The following HSPA14 variants were observed in gnomAD, a reference collection of about 807,000 sequenced individuals.
HSPA14 encodes the protein heat shock protein family A (Hsp70) member 14.
HSPA14 carries 37 observed loss-of-function variants against 65.5 expected under a neutral mutation model. The observed-to-expected ratio is 0.56, with a 90% CI of 0.43 to 0.74. The LOEUF (loss-of-function observed/expected upper bound fraction) is 0.74, where lower values mean the gene tolerates loss of function less well. Among genes scored for constraint, HSPA14 ranks in the 30% least tolerant of loss-of-function variants. The pLI is 0.00. For missense variants in HSPA14, 564 were observed against 607.6 expected (o/e 0.93, Z 0.75); for synonymous variants, 203 against 214.2 (o/e 0.95, Z 0.46).
At position 14,848,819 on chromosome 10, in the gene HSPA14, T is replaced by C. The variant is rs1292635750; in HGVS notation, c.300T>C (p.Tyr100=). ...TTGAAAAAAATGGGAAATTACGATA[T>C]GAAATAGATACTGGAGAAGAAACAA... ...LVIEKNGKLR[Y]EIDTGEETKF... Residue 100 remains tyrosine, a synonymous_variant, in exon 5 of 14, where the codon TAT becomes TAC. Transcript: ENST00000378372. The C allele has an allele frequency of 1.3e-6, 2 of 1,582,280 alleles. No homozygotes were observed. The highest frequency in any genetic ancestry group is 1.7e-5 in the Admixed American group (1 of 58,222).
At chr10:14,847,601 G>A (rs1159601273) in intron 3 of HSPA14, among the ~76,000 whole-genome samples, 1 of 152,170 alleles carries the variant, frequency 6.6e-6, no homozygotes, top group Non-Finnish European at 1.5e-5. Flanking sequence ...AAGTATTCCA[G>A]AGTTCTAAGC....
intron 10 of HSPA14, among the ~76,000 whole-genome samples, chr10:14,857,759 C>G (rs1170756566): frequency 6.6e-6 from 1 of 152,098 alleles, no homozygotes; most frequent in Admixed American, 6.5e-5. Context: ...CCTCCAGCTG[C>G]TTTGCTTGGA....
rs987064353 is a variant in HSPA14, at chr10:14,860,409, A to C, written c.993+4466A>C. Among the ~76,000 whole-genome samples, 4 of 152,210 alleles carry C rather than the reference A, an allele frequency of 2.6e-5. No homozygotes were observed. In the South Asian group the frequency reaches 8.3e-4, roughly 31 times the overall value. On this transcript the variant is annotated intron_variant, in intron 10 of 13. Transcript: ENST00000378372. ...CAGGTAATATGAAACAGATAAAATA[A>C]TGCCCAATTGTGATAAATCTTATGA...
chr10:14,854,513 A>G (rs1395512107), intron 9 of HSPA14, among the ~76,000 whole-genome samples: 7 of 152,144 alleles, frequency 4.6e-5, no homozygotes, highest in Non-Finnish European at 8.8e-5. Context: ...GGAGTGTGCA[A>G]AGGCATCCTA....
At chr10:14,846,742 C>G (rs1307039564) in intron 3 of HSPA14, 1 of 985,234 alleles carries the variant, frequency 1.0e-6, no homozygotes, top group Non-Finnish European at 1.2e-6. Context: ...TGTCATGTAA[C>G]AAGTAGGGGA....
At chr10:14,860,462 C>A (rs1297399676) in intron 10 of HSPA14, among the ~76,000 whole-genome samples, 2 of 152,138 alleles carry the variant, frequency 1.3e-5, no homozygotes, top group Non-Finnish European at 2.9e-5. Context: ...AAGGGCCTAG[C>A]TAGTGACAGA....
chr10:14,869,071 G>A (rs191123396), intron 12 of HSPA14, among the ~76,000 whole-genome samples: 49 of 152,050 alleles, frequency 3.2e-4, no homozygotes, highest in African/African-American at 9.9e-4. Flanking sequence ...TGGTCTCGAT[G>A]TCATGACCTC....
chr10:14,871,453 CAAGT>C (rs986985308), intron 13 of HSPA14, 71 bp from the exon 14 acceptor site: 17 of 836,366 alleles, frequency 2.0e-5, no homozygotes, highest in Non-Finnish European at 3.2e-5. Flanking sequence ...TGAAAGCCCT[CAAGT>C]AACTTGTTAC....
In HSPA14 at chr10:14,838,322, C is replaced by T. The variant is rs1833916784; in HGVS notation, c.-81C>T. On this transcript the variant is annotated 5_prime_UTR_variant, in exon 1 of 14. Coordinates refer to ENST00000378372, the MANE Select transcript of HSPA14 (RefSeq NM_016299.4). The stretch of plus-strand genomic sequence containing the variant: ...GGCGGGAACGTGAAGCTCCGCGGTG[C>T]CTGATGGGGCCGTTGGGCGGCCGGT... 2 of 1,394,940 alleles carry T rather than the reference C, an allele frequency of 1.4e-6. No individual in the cohort carries two copies. The highest frequency in any genetic ancestry group is 1.4e-5 in the African/African-American group (1 of 70,514). The allele number at this position is 1,394,940 out of a possible 1,614,324, so 86.4% of individuals were successfully genotyped here. A position where few individuals can be genotyped will look rare whatever the true frequency, so the allele number is the denominator to read the frequency against.
In HSPA14 at chr10:14,848,802, A is replaced by C. The variant is rs1357397411; in HGVS notation, c.283A>C (p.Asn95His). 15 of 1,565,194 alleles carry C rather than the reference A, an allele frequency of 9.6e-6. No individual in the cohort carries two copies. Among genetic ancestry groups the C allele is most frequent in the Non-Finnish European group, 1.3e-5 (15 of 1,146,642 alleles). ...ATTTATTTTATAGGTCATTGAAAAA[A>C]ATGGGAAATTACGATATGAAATAGA... ...AESKCLVIEK[N>H]GKLRYEIDTG... is the part of the protein sequence containing the mutation. The change falls in exon 5 of 14, where the codon AAT becomes CAT. Residue 95 changes from asparagine (N) to histidine (H), a missense_variant. By Grantham distance (68) the Asn-to-His change is moderately conservative (BLOSUM62 1). Coordinates refer to ENST00000378372, the MANE Select transcript of HSPA14 (RefSeq NM_016299.4).
chr10:14,865,303 C>T (rs1380218373), intron 10 of HSPA14, among the ~76,000 whole-genome samples: 1 of 151,806 alleles, frequency 6.6e-6, no homozygotes, highest in Non-Finnish European at 1.5e-5. Flanking sequence ...GTTTCTTTTG[C>T]TGTGCAGAAG....
At position 14,870,584 on chromosome 10, in the gene HSPA14, C is replaced by T. The variant is rs754035733; in HGVS notation, c.1381-13C>T. 17 of 1,577,350 alleles carry T rather than the reference C, an allele frequency of 1.1e-5. No homozygotes were observed. Among genetic ancestry groups the T allele is most frequent in the Non-Finnish European group, 1.5e-5 (17 of 1,158,434 alleles). ...GATGCTGAATTCTCTTCATATTGTT[C>T]TTGTATAAACAGGTTGTACTCCAGG... On this transcript the variant is annotated splice_polypyrimidine_tract_variant and intron_variant, in intron 12 of 13. Transcript: ENST00000378372.
chr10:14,869,747 T>G (rs150272746), intron 12 of HSPA14, among the ~76,000 whole-genome samples: 1 of 152,366 alleles, frequency 6.6e-6, no homozygotes, highest in African/African-American at 2.4e-5. Context: ...TCTAAGAACC[T>G]TCCCATGCAC....
At chr10:14,845,023 CTT>C in intron 3 of HSPA14, 1 of 985,436 alleles carries the variant, frequency 1.0e-6, no homozygotes, top group African/African-American at 1.7e-5. Context: ...TTTGTTTCCT[CTT>C]TAACTTTGGG....
intron 3 of HSPA14, among the ~76,000 whole-genome samples, chr10:14,841,921 C>T (rs1374457430): frequency 6.6e-6 from 1 of 152,176 alleles, no homozygotes; most frequent in East Asian, 1.9e-4. Flanking sequence ...CATTGTTGTA[C>T]CAACTCTCAG....
At chr10:14,863,979 G>A (rs1034367754) in intron 10 of HSPA14, among the ~76,000 whole-genome samples, 18 of 147,476 alleles carry the variant, frequency 1.2e-4, no homozygotes, top group African/African-American at 4.5e-4. Context: ...TAAGGACACA[G>A]TGAGATGGTG....
chr10:14,852,742 G>T (rs1834118170), intron 8 of HSPA14, among the ~76,000 whole-genome samples: 2 of 152,100 alleles, frequency 1.3e-5, no homozygotes, highest in African/African-American at 4.8e-5. Flanking sequence ...CAGTGTGCTT[G>T]GATTTTTCAC....
chr10:14,860,526 C>A (rs563234818), intron 10 of HSPA14, among the ~76,000 whole-genome samples: 1 of 152,004 alleles, frequency 6.6e-6, no homozygotes, highest in Non-Finnish European at 1.5e-5. Flanking sequence ...TGATCAGAGT[C>A]CTGAATGAAG....
At chr10:14,866,781 G>A (rs896040113) in intron 10 of HSPA14, among the ~76,000 whole-genome samples, 9 of 151,968 alleles carry the variant, frequency 5.9e-5, no homozygotes, top group African/African-American at 2.2e-4. Context: ...ACTATTTGTG[G>A]TTAAGCCTCT....
Sources: gnomAD v4.1 joint callset for allele counts (sites outside exome capture counted in the v4.1 genomes callset) on GRCh38, gnomAD v4.1.1 for gene constraint, MANE v1.5 for transcripts, NCBI Gene and HGNC (gene_info 2026-07-23, HGNC 2026-07-21) for gene names.